The following ITGA9 variants were observed in gnomAD, a reference collection of about 807,000 sequenced individuals.
ITGA9 encodes integrin subunit alpha 9.
ITGA9 carries 56 observed loss-of-function variants against 127.8 expected under a neutral mutation model. That is an observed-to-expected ratio of 0.44 (90% CI 0.35 to 0.55). The LOEUF is 0.55. Ranked by LOEUF, ITGA9 falls within the 20% of genes least tolerant of loss-of-function variation. The pLI, the probability that ITGA9 is intolerant of heterozygous loss-of-function variation, is 0.00. For synonymous variants in ITGA9, 508 were observed against 514.5 expected, an observed-to-expected ratio of 0.99 and a Z score of 0.17; for missense variants, 1,196 against 1,347.1, an observed-to-expected ratio of 0.89 and a Z score of 1.76.
intron 6 of ITGA9, among the ~76,000 whole-genome samples, chr3:37,504,108 G>A (rs1271902613): frequency 6.6e-6 from 1 of 152,186 alleles, no homozygotes; most frequent in African/African-American, 2.4e-5. Flanking sequence ...AATGGGGTTA[G>A]GGAGTCGTTG....
intron 26 of ITGA9, among the ~76,000 whole-genome samples, chr3:37,795,545 G>A (rs1697161441): frequency 6.6e-6 from 1 of 152,114 alleles, no homozygotes; most frequent in Non-Finnish European, 1.5e-5. Flanking sequence ...CTGTCTCAAA[G>A]GCCTGTTTGC....
At position 37,649,054 on chromosome 3, in the gene ITGA9, C is replaced by T. The variant is rs188458975; in HGVS notation, c.1840-4660C>T. Among the ~76,000 whole-genome samples the T allele has an allele frequency of 7.0e-4, 102 of 145,892 alleles. 1 individual carries two copies. The South Asian group carries it at 0.021, about 31-fold the overall frequency. On this transcript the variant is annotated intron_variant, in intron 16 of 27. Coordinates refer to ENST00000264741, the MANE Select transcript of ITGA9 (RefSeq NM_002207.3). ...ATTTCGTGTAAGCTCCTGGTAACCA[C>T]CAAGAAAATACCTATGGAAGTTATA...
chr3:37,654,703 T>A (rs1477486584), intron 17 of ITGA9, among the ~76,000 whole-genome samples: 3 of 152,212 alleles, frequency 2.0e-5, no homozygotes, highest in Non-Finnish European at 4.4e-5. Context: ...ACATTTTTTT[T>A]ATTGTTATAC....
chr3:37,517,881 G>A (rs967777559), intron 10 of ITGA9, among the ~76,000 whole-genome samples: 1 of 152,184 alleles, frequency 6.6e-6, no homozygotes, highest in Non-Finnish European at 1.5e-5. Context: ...TGTTTGCAGT[G>A]GAAGCAAACC....
At chr3:37,454,769 C>T (rs1698238456) in intron 1 of ITGA9, among the ~76,000 whole-genome samples, 1 of 152,154 alleles carries the variant, frequency 6.6e-6, no homozygotes, top group South Asian at 2.1e-4. Context: ...CTGTTGTTTT[C>T]AAGTATTTTC....
intron 16 of ITGA9, among the ~76,000 whole-genome samples, chr3:37,630,402 G>C (rs1700220133): frequency 1.3e-5 from 2 of 152,220 alleles, no homozygotes; most frequent in Non-Finnish European, 1.5e-5. Flanking sequence ...ACCTGTAAAG[G>C]AAAGGCATGG....
At chr3:37,519,128 A>C in intron 10 of ITGA9, 132 bp from the exon 11 acceptor site, 1 of 732,354 alleles carries the variant, frequency 1.4e-6, no homozygotes, top group Non-Finnish European at 2.4e-6. Flanking sequence ...TTGTCCCCAA[A>C]TTAATGCTTG....
At position 37,734,468 on chromosome 3, in the gene ITGA9, T is replaced by C. The variant is rs1417415834; in HGVS notation, c.2154+1670T>C. Among the ~76,000 whole-genome samples, 149 of 152,298 alleles carry C rather than the reference T, an allele frequency of 9.8e-4. 3 individuals are homozygous for C. The highest frequency in any genetic ancestry group is 9.4e-3 in the Admixed American group (144 of 15,308). ...CAGACCTAAGATGTGTCTTTCTCTC[T>C]CTAGTGGAGTGTTACATTTTGTCAA... On this transcript the variant is annotated intron_variant, in intron 19 of 27. Transcript: ENST00000264741.
At chr3:37,566,335 G>A (rs997955136) in intron 15 of ITGA9, among the ~76,000 whole-genome samples, 1 of 152,170 alleles carries the variant, frequency 6.6e-6, no homozygotes, top group African/African-American at 2.4e-5. Context: ...CCCATCCTGG[G>A]CAGTATGGCA....
At chr3:37,554,672 T>G (rs1361207541) in intron 15 of ITGA9, among the ~76,000 whole-genome samples, 1 of 152,072 alleles carries the variant, frequency 6.6e-6, no homozygotes, top group African/African-American at 2.4e-5. Context: ...GGTCAAATTC[T>G]GCGTGCATTT....
chr3:37,696,394 G>T (rs532761666), intron 18 of ITGA9, among the ~76,000 whole-genome samples: 55 of 152,262 alleles, frequency 3.6e-4, no homozygotes, highest in African/African-American at 1.1e-3. Flanking sequence ...TTATCTGTCC[G>T]CCTTATCTAT....
chr3:37,586,949 T>A (rs1235247521), intron 15 of ITGA9, among the ~76,000 whole-genome samples: 1 of 152,224 alleles, frequency 6.6e-6, no homozygotes, highest in Non-Finnish European at 1.5e-5. Flanking sequence ...CACTGTTGAA[T>A]GAATAATATA....
intron 15 of ITGA9, among the ~76,000 whole-genome samples, chr3:37,605,583 T>C (rs748554567): frequency 3.9e-5 from 6 of 152,192 alleles, no homozygotes; most frequent in Admixed American, 3.3e-4. Flanking sequence ...CCTCATAAAA[T>C]GAGGACAAGT....
intron 16 of ITGA9, among the ~76,000 whole-genome samples, chr3:37,645,604 T>C (rs2125643582): frequency 6.6e-6 from 1 of 152,284 alleles, no homozygotes; most frequent in South Asian, 2.1e-4. Context: ...AAAATAGCCT[T>C]CTTGTTTGCT....
intron 14 of ITGA9, among the ~76,000 whole-genome samples, chr3:37,538,836 G>C (rs1232152562): frequency 1.3e-5 from 2 of 152,106 alleles, no homozygotes; most frequent in Non-Finnish European, 2.9e-5. Context: ...TTTCCTTTGG[G>C]GTAATTTAAA....
intron 15 of ITGA9, among the ~76,000 whole-genome samples, chr3:37,615,570 A>T (rs1700065726): frequency 6.6e-6 from 1 of 152,216 alleles, no homozygotes; most frequent in South Asian, 2.1e-4. Flanking sequence ...CCTCTGGTAG[A>T]ATTCGGCTGT....
chr3:37,562,515 C>T (rs1461664658), intron 15 of ITGA9, among the ~76,000 whole-genome samples: 3 of 152,186 alleles, frequency 2.0e-5, no homozygotes, highest in Non-Finnish European at 4.4e-5. Context: ...AATTCAAACC[C>T]TTGTTTTGCT....
At chr3:37,677,261 TAGAA>T (rs1223818252) in intron 17 of ITGA9, among the ~76,000 whole-genome samples, 1 of 152,232 alleles carries the variant, frequency 6.6e-6, no homozygotes, top group Admixed American at 6.5e-5. Flanking sequence ...ATATCTCTCA[TAGAA>T]AGACAACAGA....
chr3:37,454,516 A>T (rs536583105), intron 1 of ITGA9, among the ~76,000 whole-genome samples: 3 of 152,038 alleles, frequency 2.0e-5, no homozygotes, highest in Non-Finnish European at 4.4e-5. Context: ...GAGATGTGGG[A>T]CTGGTATTTC....
Sources: gnomAD v4.1 joint callset for allele counts (sites outside exome capture counted in the v4.1 genomes callset) on GRCh38, gnomAD v4.1.1 for gene constraint, MANE v1.5 for transcripts, NCBI Gene and HGNC (gene_info 2026-07-23, HGNC 2026-07-21) for gene names.